MRPS6: variants seen among roughly 807,000 people sequenced by gnomAD.
The protein encoded by MRPS6 is small ribosomal subunit protein bS6m.
A neutral mutation model predicts 13.1 loss-of-function variants in MRPS6; 6 were observed. The ratio of observed to expected loss-of-function variants is 0.46; its 90% CI spans 0.25 to 0.91. The LOEUF is 0.91. Among genes scored for constraint, MRPS6 ranks in the 40% least tolerant of loss-of-function variants. The pLI, the probability that MRPS6 is intolerant of heterozygous loss-of-function variation, is 0.18. For missense variants in MRPS6, 164 were observed against 155.6 expected, an observed-to-expected ratio of 1.05 and a Z score of -0.29; for synonymous variants, 61 against 56.5, an observed-to-expected ratio of 1.08 and a Z score of -0.36.
intron 2 of MRPS6, among the ~76,000 whole-genome samples, chr21:34,139,477 C>T (rs565629672): frequency 8.5e-5 from 13 of 152,168 alleles, no homozygotes; most frequent in South Asian, 6.2e-4. Context: ...ACACATATTT[C>T]GTTAATAAGA....
chr21:34,140,946 TC>T (rs542001184), intron 2 of MRPS6, among the ~76,000 whole-genome samples: 182 of 152,378 alleles, frequency 1.2e-3, no homozygotes, highest in Non-Finnish European at 7.6e-4. Flanking sequence ...GAATAATTAT[TC>T]CACTAGGCTT....
chr21:34,129,778 G>T (rs928235987), intron 2 of MRPS6, among the ~76,000 whole-genome samples: 1 of 152,126 alleles, frequency 6.6e-6, no homozygotes, highest in Non-Finnish European at 1.5e-5. Flanking sequence ...CCCCGTTCTC[G>T]TGTGTAGGTA....
At chr21:34,127,875 A>T (rs1232117434) in intron 2 of MRPS6, among the ~76,000 whole-genome samples, 1 of 152,222 alleles carries the variant, frequency 6.6e-6, no homozygotes, top group African/African-American at 2.4e-5. Context: ...CAGTGGTTTT[A>T]TTGGTTACAC....
intron 1 of MRPS6, among the ~76,000 whole-genome samples, chr21:34,076,429 T>C (rs1279336790): frequency 1.3e-5 from 2 of 152,216 alleles, no homozygotes; most frequent in Admixed American, 1.3e-4. Context: ...GAGTGTATTA[T>C]GTAGAGTCAG....
intron 1 of MRPS6, among the ~76,000 whole-genome samples, chr21:34,121,871 T>G (rs1348634249): frequency 6.6e-6 from 1 of 152,150 alleles, no homozygotes; most frequent in African/African-American, 2.4e-5. Context: ...ATAAAGACAT[T>G]ATTAGGAGCT....
At chr21:34,081,506 C>G (rs1989458307) in intron 1 of MRPS6, among the ~76,000 whole-genome samples, 1 of 152,078 alleles carries the variant, frequency 6.6e-6, no homozygotes, top group Non-Finnish European at 1.5e-5. Flanking sequence ...CTTGTAAGAT[C>G]TGAAATGAAG....
chr21:34,125,072 C>T, intron 1 of MRPS6: 1 of 353,564 alleles, frequency 2.8e-6, no homozygotes, highest in Non-Finnish European at 4.9e-6. Flanking sequence ...GTTCCTGCCT[C>T]CCAGATCCCT....
At chr21:34,113,986 A>G (rs191281020) in intron 1 of MRPS6, among the ~76,000 whole-genome samples, 1 of 152,186 alleles carries the variant, frequency 6.6e-6, no homozygotes, top group Non-Finnish European at 1.5e-5. Context: ...TCAATAAGGC[A>G]GGTGGCTCAG....
intron 1 of MRPS6, among the ~76,000 whole-genome samples, chr21:34,088,632 T>C (rs1429069392): frequency 6.6e-6 from 1 of 152,240 alleles, no homozygotes; most frequent in East Asian, 1.9e-4. Context: ...CTGAAGGTAG[T>C]ATTGCATAGT....
chr21:34,142,561 C>T lies in MRPS6; in HGVS notation c.339C>T (p.Leu113=), dbSNP rs753517691. The change falls in exon 3 of 3, where the codon CTC becomes CTT. Residue 113 remains leucine, a synonymous_variant. Transcript: ENST00000399312. ...KECEGIVPVP[L]AEKLYSTKKR... is the part of the protein sequence containing the mutation. ...GTGAAGGGATTGTCCCAGTCCCACT[C>T]GCAGAAAAATTATATTCCACAAAGA... 11 of 1,605,156 alleles carry T rather than the reference C, an allele frequency of 6.9e-6. No individual in the cohort carries two copies. Among genetic ancestry groups the T allele is most frequent in the East Asian group, 4.5e-5 (2 of 44,690 alleles).
intron 1 of MRPS6, chr21:34,124,701 C>T (rs1980240948): frequency 6.6e-6 from 1 of 152,144 alleles, no homozygotes; most frequent in Non-Finnish European, 1.5e-5. Context: ...CTTCTTCCAG[C>T]TGAATGTTTC....
chr21:34,119,103 A>T (rs1327810350), intron 1 of MRPS6, among the ~76,000 whole-genome samples: 3 of 152,158 alleles, frequency 2.0e-5, no homozygotes, highest in African/African-American at 7.2e-5. Flanking sequence ...TTATTCCTTA[A>T]TTACCTAGAG....
At chr21:34,098,965 C>T (rs895591363) in intron 1 of MRPS6, 1 of 986,318 alleles carries the variant, frequency 1.0e-6, no homozygotes, top group South Asian at 4.8e-5. Flanking sequence ...TTCATAAATA[C>T]TTTTGTAGAT....
chr21:34,116,444 A>G (rs1979912113), intron 1 of MRPS6, among the ~76,000 whole-genome samples: 1 of 151,200 alleles, frequency 6.6e-6, no homozygotes, highest in African/African-American at 2.4e-5. Context: ...TATCGTACTT[A>G]TTCAATCAGT....
At position 34,092,644 on chromosome 21, in the gene MRPS6, A is replaced by G. The variant is rs141818850; in HGVS notation, c.45+18899A>G. 1.6e-3 allele frequency among the ~76,000 whole-genome samples: 247 copies of G among 152,340 alleles called. 2 individuals carry two copies. The highest frequency in any genetic ancestry group is 5.8e-3 in the African/African-American group (241 of 41,576). ...AAATCAGATTTGACAATGAAGAACA[A>G]TGTTACTGATAGTAACAGTGCTTCC... On this transcript the variant is annotated intron_variant, in intron 1 of 2. Coordinates refer to ENST00000399312, the MANE Select transcript of MRPS6 (RefSeq NM_032476.4).
Position 34,073,626 on chromosome 21 carries a change from C to T in MRPS6, c.-75C>T. On this transcript the variant is annotated 5_prime_UTR_variant, in exon 1 of 3. Transcript: ENST00000399312. ...CGGCGCAGCAGTTTCTAGGTCCCCACTGTCCCCGCCGTCCCGCCCCTTCGC... is the reference window on the plus strand; with the variant it reads ...CGGCGCAGCAGTTTCTAGGTCCCCATTGTCCCCGCCGTCCCGCCCCTTCGC... The T allele has an allele frequency of 2.2e-6, 3 of 1,346,708 alleles. No individual in the cohort carries two copies. Among genetic ancestry groups the T allele is most frequent in the South Asian group, 2.5e-5 (2 of 80,490 alleles). 83.4% of individuals were successfully genotyped at this position (1,346,708 alleles called of 1,614,324 possible).
At chr21:34,100,042 T>C in intron 1 of MRPS6, 1 of 981,734 alleles carries the variant, frequency 1.0e-6, no homozygotes, top group East Asian at 1.1e-4. Context: ...AAATGGGTCC[T>C]AAATGATGAC....
chr21:34,110,845 G>A (rs181064159), intron 1 of MRPS6, among the ~76,000 whole-genome samples: 11 of 152,266 alleles, frequency 7.2e-5, no homozygotes, highest in Non-Finnish European at 1.5e-4. Flanking sequence ...GCTCAAGACC[G>A]ATAGCGCTAG....
intron 1 of MRPS6, among the ~76,000 whole-genome samples, chr21:34,084,967 A>G (rs550609700): frequency 3.3e-5 from 5 of 152,266 alleles, no homozygotes; most frequent in African/African-American, 1.2e-4. Flanking sequence ...ACATCTTGAC[A>G]TACCTTTCTT....
Sources: gnomAD v4.1 joint callset for allele counts (sites outside exome capture counted in the v4.1 genomes callset) on GRCh38, gnomAD v4.1.1 for gene constraint, MANE v1.5 for transcripts, NCBI Gene and HGNC (gene_info 2026-07-23, HGNC 2026-07-21) for gene names.